The following ULK4 variants were observed in gnomAD, a reference collection of about 807,000 sequenced individuals.
ULK4 encodes inactive serine/threonine-protein kinase ULK4.
In ULK4, 133 loss-of-function variants were observed where a neutral mutation model predicts 160.6. That is an observed-to-expected ratio of 0.83 (90% CI 0.72 to 0.96). ULK4 has a LOEUF of 0.96. Ranked by LOEUF, ULK4 falls within the 40% of genes least tolerant of loss-of-function variation. The probability of loss-of-function intolerance (pLI) is 0.00; values close to 1 mark genes in which losing one functional copy is unlikely to be tolerated. For missense variants in ULK4, 1,580 were observed against 1,499.5 expected, an observed-to-expected ratio of 1.05 and a Z score of -0.89; for synonymous variants, 534 against 539.8, an observed-to-expected ratio of 0.99 and a Z score of 0.15.
Position 41,681,734 on chromosome 3 carries a change from C to G in ULK4, c.2833+19G>C. On this transcript the variant is annotated intron_variant, in intron 28 of 36. Coordinates refer to ENST00000301831, the MANE Select transcript of ULK4 (RefSeq NM_017886.4). ...GAATGTGTAACTGATGCAATTCTTG[C>G]TGGTGTCATCACACTTACCATTTTG... 5 of 1,614,034 alleles carry G rather than the reference C, an allele frequency of 3.1e-6. No individual in the cohort carries two copies. The highest frequency in any genetic ancestry group is 4.2e-6 in the Non-Finnish European group (5 of 1,179,950).
rs77560289 is a variant in ULK4, at chr3:41,937,916, C to T, written c.238+182G>A. The stretch of plus-strand genomic sequence containing the variant: ...ATAATACACGAAAGTAAATCCAACC[C>T]GGAATTGAATTTACATAATTCTTCT... On this transcript the variant is annotated intron_variant, in intron 3 of 36. Coordinates refer to ENST00000301831, the MANE Select transcript of ULK4 (RefSeq NM_017886.4). The T allele has an allele frequency of 7.9e-4, 323 of 406,488 alleles. 3 individuals carry two copies. In the East Asian group the frequency reaches 0.011, roughly 14 times the overall value. 25.2% of individuals were successfully genotyped at this position (406,488 alleles called of 1,614,324 possible).
chr3:41,371,868 G>A (rs772368373), intron 35 of ULK4, among the ~76,000 whole-genome samples: 7 of 151,932 alleles, frequency 4.6e-5, no homozygotes, highest in African/African-American at 9.7e-5. Context: ...GCATCTTCTA[G>A]CCCAATGCAA....
At chr3:41,367,836 C>A (rs2125779392) in intron 35 of ULK4, among the ~76,000 whole-genome samples, 1 of 152,168 alleles carries the variant, frequency 6.6e-6, no homozygotes, top group South Asian at 2.1e-4. Flanking sequence ...AATCCTAATT[C>A]ATTTAGAAAT....
chr3:41,469,169 C>T (rs2083906884), intron 32 of ULK4, among the ~76,000 whole-genome samples: 1 of 152,154 alleles, frequency 6.6e-6, no homozygotes, highest in Non-Finnish European at 1.5e-5. Context: ...GAGGCTCTAT[C>T]TATCACACCC....
intron 35 of ULK4, among the ~76,000 whole-genome samples, chr3:41,257,549 C>T (rs375888978): frequency 4.0e-5 from 6 of 151,592 alleles, no homozygotes; most frequent in African/African-American, 1.5e-4. Context: ...GGAAGTATCG[C>T]TTGAGCCTGG....
chr3:41,698,189 T>C (rs2036561259), intron 27 of ULK4, among the ~76,000 whole-genome samples: 1 of 152,200 alleles, frequency 6.6e-6, no homozygotes, highest in Non-Finnish European at 1.5e-5. Context: ...ACAAGGCATT[T>C]TTCAGAATGT....
At chr3:41,809,131 A>C (rs1575746801) in intron 19 of ULK4, among the ~76,000 whole-genome samples, 2 of 148,724 alleles carry the variant, frequency 1.3e-5, no homozygotes, top group Non-Finnish European at 3.0e-5. Context: ...ACCCCACTGC[A>C]CTCCAGCCTG....
intron 32 of ULK4, among the ~76,000 whole-genome samples, chr3:41,488,437 C>A (rs879394443): frequency 1.3e-5 from 2 of 152,198 alleles, no homozygotes; most frequent in Non-Finnish European, 2.9e-5. Context: ...GCTCTACACA[C>A]ACACATAACC....
chr3:41,336,986 G>T (rs1021054042), intron 35 of ULK4, among the ~76,000 whole-genome samples: 5 of 152,156 alleles, frequency 3.3e-5, no homozygotes, highest in Admixed American at 2.6e-4. Context: ...GAAATGCTGT[G>T]CAGGTCACAT....
At chr3:41,944,745 C>T (rs552546544) in intron 2 of ULK4, among the ~76,000 whole-genome samples, 3 of 152,210 alleles carry the variant, frequency 2.0e-5, no homozygotes, top group Non-Finnish European at 4.4e-5. Context: ...GCCCGGCTCA[C>T]TCCCCCTTAA....
chr3:41,342,032 A>C (rs1575448973), intron 35 of ULK4, among the ~76,000 whole-genome samples: 1 of 152,216 alleles, frequency 6.6e-6, no homozygotes, highest in Admixed American at 6.5e-5. Context: ...GGGTGAAAAA[A>C]TTTTAAATAC....
intron 17 of ULK4, among the ~76,000 whole-genome samples, chr3:41,854,484 CA>C (rs1216143939): frequency 6.6e-6 from 1 of 152,158 alleles, no homozygotes; most frequent in African/African-American, 2.4e-5. Context: ...AAAACTGCCA[CA>C]GTGAGTCAAA....
chr3:41,464,294 A>T (rs1202569149), intron 32 of ULK4, among the ~76,000 whole-genome samples: 1 of 152,176 alleles, frequency 6.6e-6, no homozygotes, highest in East Asian at 1.9e-4. Context: ...AAGTGAACTA[A>T]TTTTGTCACT....
At chr3:41,708,621 A>G (rs1000591538) in intron 25 of ULK4, among the ~76,000 whole-genome samples, 2 of 152,230 alleles carry the variant, frequency 1.3e-5, no homozygotes, top group African/African-American at 4.8e-5. Flanking sequence ...ACACGCCTAT[A>G]ATCCCAGCTA....
chr3:41,782,665 A>G (rs2039886220), intron 21 of ULK4, among the ~76,000 whole-genome samples: 1 of 152,178 alleles, frequency 6.6e-6, no homozygotes, highest in African/African-American at 2.4e-5. Flanking sequence ...CACTATAGCT[A>G]TTTGCAAGTA....
intron 32 of ULK4, among the ~76,000 whole-genome samples, chr3:41,467,527 A>G (rs2083864715): frequency 6.6e-6 from 1 of 152,176 alleles, no homozygotes; most frequent in Admixed American, 6.5e-5. Flanking sequence ...ACTCTGTTAC[A>G]AACAAACAAA....
intron 34 of ULK4, among the ~76,000 whole-genome samples, chr3:41,453,415 G>C (rs1050379399): frequency 6.6e-6 from 1 of 151,850 alleles, no homozygotes; most frequent in Non-Finnish European, 1.5e-5. Flanking sequence ...GGACCCAATC[G>C]ATTCTCCCAT....
intron 33 of ULK4, among the ~76,000 whole-genome samples, chr3:41,461,574 T>C (rs935174295): frequency 2.6e-5 from 4 of 152,146 alleles, no homozygotes; most frequent in African/African-American, 2.4e-5. Context: ...AAATGTACAG[T>C]GGTGTTCAAG....
At chr3:41,525,088 A>C (rs2086067359) in intron 32 of ULK4, among the ~76,000 whole-genome samples, 1 of 152,226 alleles carries the variant, frequency 6.6e-6, no homozygotes, top group Admixed American at 6.5e-5. Flanking sequence ...TTCAGTTCCT[A>C]AAATATCTTT....
Sources: allele counts gnomAD v4.1 joint callset (sites outside exome capture counted in the v4.1 genomes callset), GRCh38; gene constraint gnomAD v4.1.1; transcripts MANE v1.5; gene names NCBI Gene and HGNC (gene_info 2026-07-23, HGNC 2026-07-21).